The following CAPZB variants were observed in gnomAD, a reference collection of about 807,000 sequenced individuals.
CAPZB encodes the protein capping actin protein of muscle Z-line subunit beta.
In CAPZB, 2 loss-of-function variants were observed where a neutral mutation model predicts 38.1. The observed-to-expected ratio is 0.05, with a 90% CI of 0.02 to 0.17. The LOEUF (loss-of-function observed/expected upper bound fraction) is 0.17, where lower values mean the gene tolerates loss of function less well. Among genes scored for constraint, CAPZB ranks in the 10% least tolerant of loss-of-function variants. The pLI, the probability that CAPZB is intolerant of heterozygous loss-of-function variation, is 1.00. For synonymous variants in CAPZB, 107 were observed against 127.4 expected, an observed-to-expected ratio of 0.84 and a Z score of 1.08; for missense variants, 161 against 334.2, an observed-to-expected ratio of 0.48 and a Z score of 4.04.
chr1:19,351,889 G>A lies in CAPZB; in HGVS notation c.588+4746C>T, dbSNP rs146312570. ...CTCCTGTTTCCGCCCTTCACAGCAC[G>A]GGATGGTTGTGGGGAGCCTGTCTCA... On this transcript the variant is annotated intron_variant, in intron 6 of 8. Transcript: ENST00000264202. Among the ~76,000 whole-genome samples, 227 of 152,292 alleles carry A rather than the reference G, an allele frequency of 1.5e-3. 1 individual carries two copies. Among genetic ancestry groups the A allele is most frequent in the Non-Finnish European group, 2.8e-3 (189 of 68,018 alleles).
intron 4 of CAPZB, among the ~76,000 whole-genome samples, chr1:19,376,940 C>G (rs1311238859): frequency 6.6e-6 from 1 of 152,158 alleles, no homozygotes; most frequent in Non-Finnish European, 1.5e-5. Flanking sequence ...TCTGTCAGCT[C>G]GTTTGTAAGA....
At chr1:19,379,092 T>TTTC (rs1553273260) in intron 3 of CAPZB, among the ~76,000 whole-genome samples, 53 of 131,198 alleles carry the variant, frequency 4.0e-4, no homozygotes, top group African/African-American at 1.4e-3. Context: ...ACCTATTTTT[T>TTTC]TTTCTTTCTT....
chr1:19,422,728 A>AC (rs1392636663), intron 1 of CAPZB, among the ~76,000 whole-genome samples: 8 of 115,130 alleles, frequency 6.9e-5, no homozygotes, highest in Non-Finnish European at 1.2e-4. Flanking sequence ...CTCCATCTCA[A>AC]AAACAACAAC....
chr1:19,449,139 G>C, intron 1 of CAPZB: 1 of 1,395,676 alleles, frequency 7.2e-7, no homozygotes, highest in Non-Finnish European at 9.3e-7. Flanking sequence ...CCTGACCGTA[G>C]AGTCTCTGTA....
intron 2 of CAPZB, among the ~76,000 whole-genome samples, chr1:19,415,476 T>C (rs747018617): frequency 7.9e-5 from 12 of 152,180 alleles, no homozygotes; most frequent in Admixed American, 1.3e-4. Context: ...AGACCAATCC[T>C]TACAGAATAA....
At chr1:19,425,325 A>G (rs1454016100) in intron 1 of CAPZB, among the ~76,000 whole-genome samples, 1 of 152,234 alleles carries the variant, frequency 6.6e-6, no homozygotes, top group African/African-American at 2.4e-5. Flanking sequence ...TGTCCATTCA[A>G]TTAATCATCT....
Position 19,412,367 on chromosome 1 carries a change from G to A in CAPZB, c.93+7294C>T, listed in dbSNP as rs143830904. ...TTCCCCACCCTTAACATAAACCCAC[G>A]GGGAACTCTGGTGGAAAAAGCATTT... is the stretch of plus-strand genomic sequence containing the variant. On this transcript the variant is annotated intron_variant, in intron 2 of 8. Coordinates refer to ENST00000264202, the MANE Select transcript of CAPZB (RefSeq NM_004930.5). 2.7e-4 allele frequency among the ~76,000 whole-genome samples: 41 copies of A among 152,250 alleles called. No homozygotes were observed. In the East Asian group the frequency reaches 6.8e-3, roughly 25 times the overall value.
rs917936962 is a variant in CAPZB at position 19,442,164 on chromosome 1, C to A, written c.4-22414G>T. The stretch of plus-strand genomic sequence containing the variant: ...GAGCCTGTTACATTATTACTGTAAT[C>A]CTAAAAAAAAGGCTCACAAATTTTT... On this transcript the variant is annotated intron_variant, in intron 1 of 8. Coordinates refer to ENST00000264202, the MANE Select transcript of CAPZB (RefSeq NM_004930.5). 1.2e-4 allele frequency among the ~76,000 whole-genome samples: 18 copies of A among 151,872 alleles called. 1 individual carries two copies. The highest frequency in any genetic ancestry group is 4.4e-4 in the African/African-American group (18 of 41,332).
At chr1:19,344,259 G>A (rs1431620877) in intron 8 of CAPZB, 99 bp downstream of exon 8, 7 of 897,770 alleles carry the variant, frequency 7.8e-6, no homozygotes, top group Admixed American at 1.9e-5. Flanking sequence ...GCCTACCAAT[G>A]AGGACACCGA....
At chr1:19,443,458 T>C (rs2094485590) in intron 1 of CAPZB, among the ~76,000 whole-genome samples, 2 of 152,074 alleles carry the variant, frequency 1.3e-5, no homozygotes, top group Non-Finnish European at 1.5e-5. Flanking sequence ...CTGTATAATA[T>C]TAATATAGCC....
chr1:19,359,427 G>A (rs1052724408), intron 4 of CAPZB, among the ~76,000 whole-genome samples: 2 of 152,120 alleles, frequency 1.3e-5, no homozygotes, highest in East Asian at 3.9e-4. Context: ...CCAGGGGGCC[G>A]ATACTCAGGT....
intron 2 of CAPZB, among the ~76,000 whole-genome samples, chr1:19,408,528 G>C (rs552782220): frequency 1.3e-5 from 2 of 152,306 alleles, no homozygotes; most frequent in African/African-American, 4.8e-5. Flanking sequence ...GGCCCCTGCC[G>C]GCTCTGTTCT....
intron 4 of CAPZB, among the ~76,000 whole-genome samples, chr1:19,375,111 C>T (rs1339056278): frequency 3.3e-5 from 5 of 152,102 alleles, no homozygotes; most frequent in African/African-American, 9.7e-5. Flanking sequence ...CCAACAGCCT[C>T]GCGGGGCACT....
chr1:19,396,322 C>T lies in CAPZB; in HGVS notation c.94-10696G>A, dbSNP rs530502350. Among the ~76,000 whole-genome samples the T allele has an allele frequency of 5.3e-5, 8 of 152,286 alleles. No individual in the cohort carries two copies. In the East Asian group the frequency reaches 1.5e-3, roughly 29 times the overall value. Reference sequence around the variant, plus strand: ...CTGATCTTTTGAAGCCCAAGCCTGCCTTGGTGGGAAGCAAGTTCTCAGCAC... The same window carrying T: ...CTGATCTTTTGAAGCCCAAGCCTGCTTTGGTGGGAAGCAAGTTCTCAGCAC... On this transcript the variant is annotated intron_variant, in intron 2 of 8. Transcript: ENST00000264202.
chr1:19,462,803 C>T (rs1207279046), intron 1 of CAPZB, among the ~76,000 whole-genome samples: 2 of 152,182 alleles, frequency 1.3e-5, no homozygotes, highest in Non-Finnish European at 2.9e-5. Context: ...GCTAAGGCAG[C>T]CACTAGCCTT....
chr1:19,366,134 C>T (rs1395779402), intron 4 of CAPZB, among the ~76,000 whole-genome samples: 3 of 149,530 alleles, frequency 2.0e-5, no homozygotes, highest in Admixed American at 2.0e-4. Context: ...CAAGGAGTAG[C>T]AGCAAGACTT....
intron 4 of CAPZB, among the ~76,000 whole-genome samples, chr1:19,368,371 C>T (rs764505610): frequency 1.3e-5 from 2 of 152,046 alleles, no homozygotes; most frequent in Non-Finnish European, 2.9e-5. Context: ...AGGCCAAGTG[C>T]AGTGGCTCAT....
chr1:19,441,729 C>T (rs1033684417), intron 1 of CAPZB, among the ~76,000 whole-genome samples: 1 of 151,538 alleles, frequency 6.6e-6, no homozygotes, highest in Non-Finnish European at 1.5e-5. Flanking sequence ...CAGGAGAGGC[C>T]GGGCACAGTG....
At chr1:19,462,571 C>A (rs2094555545) in intron 1 of CAPZB, among the ~76,000 whole-genome samples, 1 of 152,182 alleles carries the variant, frequency 6.6e-6, no homozygotes. Flanking sequence ...GATAGTCCAA[C>A]AGCATTTACT....
Sources: gnomAD v4.1 joint callset for allele counts (sites outside exome capture counted in the v4.1 genomes callset) on GRCh38, gnomAD v4.1.1 for gene constraint, MANE v1.5 for transcripts, NCBI Gene and HGNC (gene_info 2026-07-23, HGNC 2026-07-21) for gene names.